ANKRD31: variants seen among roughly 807,000 people sequenced by gnomAD.
ANKRD31 encodes the protein ankyrin repeat domain 31.
Under a neutral mutation model 186.0 loss-of-function variants are expected in ANKRD31, and 147 were observed. That is an observed-to-expected ratio of 0.79 (90% CI 0.69 to 0.91). ANKRD31 has a LOEUF of 0.91. Among genes scored for constraint, ANKRD31 ranks in the 40% least tolerant of loss-of-function variants. The probability of loss-of-function intolerance (pLI) is 0.00; values close to 1 mark genes in which losing one functional copy is unlikely to be tolerated. For synonymous variants in ANKRD31, 673 were observed against 736.4 expected (o/e 0.91, Z 1.39); for missense variants, 1,986 against 2,148.8 (o/e 0.92, Z 1.50).
At chr5:75,099,446 C>A (rs561131779) in intron 22 of ANKRD31, among the ~76,000 whole-genome samples, 4 of 152,248 alleles carry the variant, frequency 2.6e-5, no homozygotes, top group South Asian at 2.1e-4. Context: ...CTGGCCTCAT[C>A]AAATGAGTTA....
intron 17 of ANKRD31, among the ~76,000 whole-genome samples, chr5:75,123,418 TCA>T (rs1748952157): frequency 6.6e-6 from 1 of 152,102 alleles, no homozygotes; most frequent in Non-Finnish European, 1.5e-5. Flanking sequence ...ACATCGCTTT[TCA>T]CAGAATGAGA....
At chr5:75,131,786 T>A (rs1561454792) in intron 17 of ANKRD31, among the ~76,000 whole-genome samples, 1 of 148,482 alleles carries the variant, frequency 6.7e-6, no homozygotes, top group Non-Finnish European at 1.5e-5. Flanking sequence ...CACCTCATAC[T>A]GCCAGGTGTC....
intron 16 of ANKRD31, 67 bp downstream of exon 16, chr5:75,138,776 CAGG>C: frequency 1.4e-6 from 2 of 1,459,350 alleles, no homozygotes; most frequent in Non-Finnish European, 1.8e-6. Context: ...TTGGAGGGGG[CAGG>C]AGGTGTTGAA....
At chr5:75,235,836 G>C (rs754781037) in intron 1 of ANKRD31, among the ~76,000 whole-genome samples, 4 of 152,192 alleles carry the variant, frequency 2.6e-5, no homozygotes, top group Non-Finnish European at 4.4e-5. Context: ...GTAAGGAACT[G>C]CTGTATAGTG....
At chr5:75,172,615 C>T (rs773278255) in intron 10 of ANKRD31, among the ~76,000 whole-genome samples, 65 of 152,078 alleles carry the variant, frequency 4.3e-4, no homozygotes, top group East Asian at 7.7e-4. Context: ...AACACCTCTA[C>T]GCAAATCAAC....
At chr5:75,174,384 A>C (rs555215034) in intron 10 of ANKRD31, among the ~76,000 whole-genome samples, 2 of 152,342 alleles carry the variant, frequency 1.3e-5, no homozygotes, top group Non-Finnish European at 2.9e-5. Context: ...AAATGGATCT[A>C]ATTAAACTAA....
intron 11 of ANKRD31, among the ~76,000 whole-genome samples, chr5:75,168,303 C>G (rs1753066532): frequency 6.6e-6 from 1 of 152,092 alleles, no homozygotes; most frequent in Non-Finnish European, 1.5e-5. Flanking sequence ...AGTTTTTAAA[C>G]CCAGAGGCAA....
At chr5:75,110,015 T>C (rs1747640813) in intron 20 of ANKRD31, among the ~76,000 whole-genome samples, 1 of 152,134 alleles carries the variant, frequency 6.6e-6, no homozygotes, top group South Asian at 2.1e-4. Context: ...CCACAGTCAG[T>C]AATTAGTTAC....
Position 75,081,684 on chromosome 5 carries a change from C to CAG in ANKRD31, c.5576-1047_5576-1046dup, listed in dbSNP as rs530571357. Among the ~76,000 whole-genome samples the CAG allele has an allele frequency of 4.0e-3, 556 of 137,498 alleles. 1 individual carries two copies. The highest frequency in any genetic ancestry group is 0.011 in the Middle Eastern group (3 of 268). The allele number at this position is 137,498 out of a possible 152,430, so 90.2% of individuals were successfully genotyped here. A position where few individuals can be genotyped will look rare whatever the true frequency, so the allele number is the denominator to read the frequency against. The stretch of plus-strand genomic sequence containing the variant: ...TTTGGGGTGGGTGGTGGGGAGGAGG[C>CAG]AGAGAGAGAGAGAGACAGAGAGAGA... On this transcript the variant is annotated intron_variant, in intron 24 of 25. Transcript: ENST00000506364.
intron 10 of ANKRD31, among the ~76,000 whole-genome samples, chr5:75,174,224 T>C (rs997184588): frequency 3.9e-5 from 6 of 152,066 alleles, no homozygotes; most frequent in African/African-American, 4.8e-5. Flanking sequence ...ATACAAAAAT[T>C]AATTCAAGAT....
intron 10 of ANKRD31, among the ~76,000 whole-genome samples, chr5:75,184,577 T>C (rs1754570643): frequency 6.6e-6 from 1 of 151,786 alleles, no homozygotes; most frequent in South Asian, 2.1e-4. Flanking sequence ...ATAATTCCAT[T>C]TAAAAATGAG....
Position 75,104,835 on chromosome 5 carries a change from T to C in ANKRD31, c.4724A>G (p.Asn1575Ser). ...RRGEFSGNDM[N>S]SKQNGSDCTL... The stretch of plus-strand genomic sequence containing the variant: ...ACAATCACTGCCATTTTGTTTAGAA[T>C]TCATATCATTTCCAGAAAATTCTCC... The change falls in exon 22 of 26, where the codon AAT (asparagine) becomes AGT (serine). Residue 1575 changes from asparagine (N) to serine (S), a missense_variant. By Grantham distance (46) the Asn-to-Ser change is conservative (BLOSUM62 1). Transcript: ENST00000506364. 1 of 1,537,202 alleles carries C rather than the reference T, an allele frequency of 6.5e-7. No individual in the cohort carries two copies.
chr5:75,127,083 G>T (rs1183987606), intron 17 of ANKRD31, among the ~76,000 whole-genome samples: 1 of 151,784 alleles, frequency 6.6e-6, no homozygotes, highest in East Asian at 1.9e-4. Flanking sequence ...TACTCAGGAG[G>T]CTGAGGCAGG....
chr5:75,152,531 A>AT (rs1041093290), intron 12 of ANKRD31, among the ~76,000 whole-genome samples: 7 of 151,854 alleles, frequency 4.6e-5, no homozygotes, highest in African/African-American at 7.3e-5. Flanking sequence ...TCTGTTGGGG[A>AT]TTTTTTTTCA....
chr5:75,226,911 C>T (rs948949761), intron 2 of ANKRD31, among the ~76,000 whole-genome samples: 4 of 152,140 alleles, frequency 2.6e-5, no homozygotes, highest in South Asian at 2.1e-4. Flanking sequence ...AGCAATCCCA[C>T]TCCTAGGTAT....
At chr5:75,098,060 T>C (rs1376362077) in intron 22 of ANKRD31, among the ~76,000 whole-genome samples, 1 of 152,076 alleles carries the variant, frequency 6.6e-6, no homozygotes, top group African/African-American at 2.4e-5. Context: ...AGTCTCACTG[T>C]GTCGCCCAGG....
chr5:75,236,833 G>C lies in ANKRD31; in HGVS notation c.-147C>G. 1.5e-6 allele frequency: 1 copy of C among 673,444 alleles called. No homozygotes were observed. The highest frequency in any genetic ancestry group is 3.4e-5 in the East Asian group (1 of 29,838). 41.7% of individuals were successfully genotyped at this position (673,444 alleles called of 1,614,324 possible). On this transcript the variant is annotated 5_prime_UTR_variant, in exon 1 of 26. Transcript: ENST00000506364. ...AGGAGCCGGGACTTGTCGCAGGGCT[G>C]CTGAGGAGGACGCAGGCGGCCGCGA...
At position 75,223,554 on chromosome 5, in the gene ANKRD31, A is replaced by G. The variant is rs1757431310; in HGVS notation, c.179-1196T>C. Among the ~76,000 whole-genome samples the G allele has an allele frequency of 2.0e-5, 3 of 152,220 alleles. No homozygotes were observed. In the South Asian group the frequency reaches 6.2e-4, roughly 32 times the overall value. ...TCATAGAAAAATATGCAAAGAAATT[A>G]CTAGATTTTTGGTTTTTGAAAATCT... On this transcript the variant is annotated intron_variant, in intron 2 of 25. Transcript: ENST00000506364.
intron 2 of ANKRD31, among the ~76,000 whole-genome samples, chr5:75,226,686 T>C (rs573271221): frequency 1.1e-4 from 17 of 152,274 alleles, no homozygotes; most frequent in East Asian, 3.9e-4. Context: ...TCATGGATCA[T>C]TGGAGAAATA....
Sources: allele counts gnomAD v4.1 joint callset (sites outside exome capture counted in the v4.1 genomes callset), GRCh38; gene constraint gnomAD v4.1.1; transcripts MANE v1.5; gene names NCBI Gene and HGNC (gene_info 2026-07-23, HGNC 2026-07-21).